Variants in HECTD4 observed in about 807,000 individuals in gnomAD.
HECTD4 encodes probable E3 ubiquitin-protein ligase HECTD4.
A neutral mutation model predicts 471.5 loss-of-function variants in HECTD4; 114 were observed. That is an observed-to-expected ratio of 0.24 (90% CI 0.21 to 0.28). The LOEUF (loss-of-function observed/expected upper bound fraction) is 0.28. Ranked by LOEUF, HECTD4 falls within the 10% of genes least tolerant of loss-of-function variation. The pLI, the probability that HECTD4 is intolerant of heterozygous loss-of-function variation, is 1.00. For missense variants in HECTD4, 3,866 were observed against 5,651.5 expected, an observed-to-expected ratio of 0.68 and a Z score of 10.13; for synonymous variants, 2,012 against 2,256.0, an observed-to-expected ratio of 0.89 and a Z score of 3.07.
At chr12:112,247,162 G>A in intron 28 of HECTD4, 86 bp from the exon 29 acceptor site, 1 of 1,118,536 alleles carries the variant, frequency 8.9e-7, no homozygotes, top group Non-Finnish European at 1.3e-6. Context: ...AAGAATAAGA[G>A]AAGACACAGG....
chr12:112,313,533 G>C (rs1016240039), intron 3 of HECTD4, among the ~76,000 whole-genome samples: 3 of 146,968 alleles, frequency 2.0e-5, no homozygotes, highest in Admixed American at 6.9e-5. Context: ...TGTCACTCAG[G>C]CTGGAGTGCA....
rs992015563 is a variant in HECTD4 at position 112,248,590 on chromosome 12, A to G, written c.3951-78T>C. ...ATACTGTATTTTATTTTTATTTTTT[A>G]TTTCTTTAGAGACAAGGTCTCCCTC... On this transcript the variant is annotated intron_variant, in intron 25 of 75. Transcript: ENST00000682272. 3 of 991,454 alleles carry G rather than the reference A, an allele frequency of 3.0e-6. No homozygotes were observed. The African/African-American group carries it at 5.0e-5, about 17-fold the overall frequency. The allele number at this position is 991,454 out of a possible 1,614,324, so 61.4% of individuals were successfully genotyped here.
intron 29 of HECTD4, among the ~76,000 whole-genome samples, chr12:112,246,026 G>C (rs992923530): frequency 6.6e-6 from 1 of 151,696 alleles, no homozygotes; most frequent in African/African-American, 2.4e-5. Context: ...CACCTACCTG[G>C]GAAGCTGAGG....
Position 112,170,339 on chromosome 12 carries a change from C to T in HECTD4, c.12046G>A (p.Val4016Met). Residue 4016 changes from valine (V) to methionine (M), a missense_variant, in exon 69 of 76, where the codon GTG (valine) becomes ATG (methionine). Transcript: ENST00000682272. ...PEITLDPLEI[V>M]GGEIRASENS... Reference sequence around the variant, plus strand: ...TCTCCGCAGCCAACCCCACCTCCCACAATTTCCAGTGGGTCCAAGGTGATC... The same window carrying T: ...TCTCCGCAGCCAACCCCACCTCCCATAATTTCCAGTGGGTCCAAGGTGATC... 1 of 1,613,952 alleles carries T rather than the reference C, an allele frequency of 6.2e-7. No individual in the cohort carries two copies. The highest frequency in any genetic ancestry group is 8.5e-7 in the Non-Finnish European group (1 of 1,179,888).
chr12:112,323,640 C>T (rs1401761541), intron 1 of HECTD4, among the ~76,000 whole-genome samples: 4 of 150,890 alleles, frequency 2.7e-5, no homozygotes, highest in South Asian at 2.1e-4. Context: ...CAATGGTTAC[C>T]GGGGTTTAGG....
intron 64 of HECTD4, among the ~76,000 whole-genome samples, chr12:112,177,855 TA>T (rs1256501216): frequency 2.0e-5 from 3 of 152,318 alleles, no homozygotes; most frequent in Non-Finnish European, 4.4e-5. Flanking sequence ...TCCCAAAAGC[TA>T]CAGAAGTAAC....
rs1360925939 is a variant in HECTD4, at chr12:112,217,214, C to T, written c.7075-19G>A. ...CTTTGGGCTGCATCAGGGAGAAAAACCCATATTCAGTAGAACTGCAAACAC... is the reference window on the plus strand; with the variant it reads ...CTTTGGGCTGCATCAGGGAGAAAAATCCATATTCAGTAGAACTGCAAACAC... On this transcript the variant is annotated intron_variant, in intron 45 of 75. Coordinates refer to ENST00000682272, the MANE Select transcript of HECTD4 (RefSeq NM_001388303.1). 1.3e-6 allele frequency: 2 copies of T among 1,489,126 alleles called. No individual in the cohort carries two copies. Among genetic ancestry groups the T allele is most frequent in the South Asian group, 1.5e-5 (1 of 68,106 alleles). The allele number at this position is 1,489,126 out of a possible 1,614,324, so 92.2% of individuals were successfully genotyped here.
chr12:112,270,463 G>T lies in HECTD4; in HGVS notation c.1943-4C>A, dbSNP rs2034391348. The T allele has an allele frequency of 6.2e-7, 1 of 1,611,694 alleles. No homozygotes were observed. Among genetic ancestry groups the T allele is most frequent in the South Asian group, 1.1e-5 (1 of 91,022 alleles). ...TCATTCGTGGTTATAGCCTCTTCTAGAAGATGAAAAGGAAACTGAGTGAGG... is the reference window on the plus strand; with the variant it reads ...TCATTCGTGGTTATAGCCTCTTCTATAAGATGAAAAGGAAACTGAGTGAGG... On this transcript the variant is annotated splice_region_variant and splice_polypyrimidine_tract_variant and intron_variant, in intron 11 of 75. Coordinates refer to ENST00000682272, the MANE Select transcript of HECTD4 (RefSeq NM_001388303.1).
At position 112,266,932 on chromosome 12, in the gene HECTD4, A is replaced by C. The variant is rs909538868; in HGVS notation, c.2372T>G (p.Leu791Arg). ...CTTACCTTCTGTTAAGACCAGTTTA[A>C]GTAAGTTATTGATTTCAGTTTCACC... Reference protein sequence around the residue: ...YPGETEINNLLKLVLTEGERN... With the variant: ...YPGETEINNLRKLVLTEGERN... Residue 791 changes from leucine (L) to arginine (R), a missense_variant, in exon 14 of 76, where the codon CTT becomes CGT. Leu to Arg is a moderately radical substitution (Grantham distance 102). Around this residue, in one of 16 missense-constraint regions of HECTD4, gnomAD observed 525 missense variants for 672.6 expected, o/e 0.78. Transcript: ENST00000682272. 1.3e-6 allele frequency: 2 copies of C among 1,523,318 alleles called. No individual in the cohort carries two copies. The highest frequency in any genetic ancestry group is 1.8e-6 in the Non-Finnish European group (2 of 1,119,264). The allele number at this position is 1,523,318 out of a possible 1,614,324, so 94.4% of individuals were successfully genotyped here.
At chr12:112,290,330 A>G (rs2034849680) in intron 7 of HECTD4, among the ~76,000 whole-genome samples, 1 of 151,818 alleles carries the variant, frequency 6.6e-6, no homozygotes, top group African/African-American at 2.4e-5. Flanking sequence ...AAAAAAAATA[A>G]TCAATCAATC....
At chr12:112,290,715 G>A (rs927743483) in intron 7 of HECTD4, among the ~76,000 whole-genome samples, 2 of 151,866 alleles carry the variant, frequency 1.3e-5, no homozygotes, top group Non-Finnish European at 2.9e-5. Flanking sequence ...GGGCATGGTG[G>A]TGTATGCCTG....
At position 112,188,553 on chromosome 12, in the gene HECTD4, G is replaced by A. The variant is rs1290743612; in HGVS notation, c.9472+2233C>T. On this transcript the variant is annotated intron_variant, in intron 60 of 75. Coordinates refer to ENST00000682272, the MANE Select transcript of HECTD4 (RefSeq NM_001388303.1). The surrounding 1 kb of genome is among the most constrained non-coding windows in gnomAD (Gnocchi z 4.2). ...TAGGGATCATGAACATCTAAAGCCT[G>A]TGTCCCACTGAGCCAGCTGAGCCCT... Among the ~76,000 whole-genome samples the A allele has an allele frequency of 6.6e-6, 1 of 152,228 alleles. No individual in the cohort carries two copies. Among genetic ancestry groups the A allele is most frequent in the Non-Finnish European group, 1.5e-5 (1 of 68,044 alleles).
At chr12:112,206,661 C>T (rs1007591615) in intron 52 of HECTD4, among the ~76,000 whole-genome samples, 4 of 151,516 alleles carry the variant, frequency 2.6e-5, no homozygotes, top group Non-Finnish European at 5.9e-5. Flanking sequence ...CTCAGCCTTC[C>T]GAGTAACTGG....
chr12:112,208,205 C>A (rs1282502687), intron 51 of HECTD4, among the ~76,000 whole-genome samples: 1 of 152,200 alleles, frequency 6.6e-6, no homozygotes, highest in East Asian at 1.9e-4. Flanking sequence ...TCGTTTCCCT[C>A]TAAAGAAGCC....
intron 13 of HECTD4, among the ~76,000 whole-genome samples, chr12:112,269,064 G>C (rs1184294462): frequency 6.6e-6 from 1 of 151,106 alleles, no homozygotes; most frequent in East Asian, 2.0e-4. Context: ...TAGTAGAGAC[G>C]GGGTTTCACC....
chr12:112,244,504 G>A (rs976573199), intron 29 of HECTD4, among the ~76,000 whole-genome samples: 1 of 152,090 alleles, frequency 6.6e-6, no homozygotes, highest in African/African-American at 2.4e-5. Flanking sequence ...AAGTAGCTGC[G>A]ATTACAGGCG....
At chr12:112,301,785 T>C (rs150256823) in intron 7 of HECTD4, 3 of 527,824 alleles carry the variant, frequency 5.7e-6, no homozygotes, top group Middle Eastern at 5.2e-4. Flanking sequence ...TTTTACTCTA[T>C]TTCTTCAGCT....
At chr12:112,289,131 G>A (rs183377502) in intron 7 of HECTD4, among the ~76,000 whole-genome samples, 1 of 151,930 alleles carries the variant, frequency 6.6e-6, no homozygotes, top group East Asian at 1.9e-4. Flanking sequence ...ACAGGGTCTT[G>A]GTGTATCACC....
At chr12:112,186,124 G>C (rs961566651) in intron 60 of HECTD4, among the ~76,000 whole-genome samples, 4 of 151,732 alleles carry the variant, frequency 2.6e-5, no homozygotes, top group Non-Finnish European at 5.9e-5. Context: ...AGGAGTGTGA[G>C]ACCATGCCCA....
Sources: allele counts gnomAD v4.1 joint callset (sites outside exome capture counted in the v4.1 genomes callset), GRCh38; gene constraint gnomAD v4.1.1; regional missense constraint gnomAD v4.1.1; non-coding constraint Gnocchi (gnomAD v3.1); transcripts MANE v1.5; gene names NCBI Gene and HGNC (gene_info 2026-07-23, HGNC 2026-07-21).